The following LPA variants were observed in gnomAD, a reference collection of about 807,000 sequenced individuals.
LPA encodes lipoprotein(a), also known as apolipoprotein(a).
In LPA, 199 loss-of-function variants were observed where a neutral mutation model predicts 197.9. That is an observed-to-expected ratio of 1.01 (90% confidence interval 0.90 to 1.13). LPA has a LOEUF of 1.13. Among genes scored for constraint, LPA ranks in the 50% most tolerant of loss-of-function variants. The pLI, the probability that LPA is intolerant of heterozygous loss-of-function variation, is 0.00. For synonymous variants in LPA, 715 were observed against 639.5 expected, an observed-to-expected ratio of 1.12 and a Z score of -1.78; for missense variants, 1,853 against 1,785.8, an observed-to-expected ratio of 1.04 and a Z score of -0.68.
intron 1 of LPA, 63 bp from the exon 2 acceptor site, chr6:160,650,560 A>C: frequency 2.0e-6 from 3 of 1,513,842 alleles, no homozygotes; most frequent in Non-Finnish European, 2.8e-6. Flanking sequence ...ATGTGAAGTC[A>C]TTTATGACAC....
intron 23 of LPA, 143 bp downstream of exon 23, chr6:160,590,801 G>T: frequency 5.2e-6 from 6 of 1,158,964 alleles, no homozygotes; most frequent in Non-Finnish European, 7.5e-6. Context: ...CAGAGAAGGC[G>T]CTGAGGCTTC....
At chr6:160,615,419 T>A (rs1779580447) in intron 14 of LPA, among the ~76,000 whole-genome samples, 2 of 107,466 alleles carry the variant, frequency 1.9e-5, no homozygotes, top group Non-Finnish European at 3.7e-5. Context: ...AATTGTGTGT[T>A]GGGTAATGTT....
At chr6:160,576,684 GTGTGTGTA>G (rs1391182586) in intron 28 of LPA, among the ~76,000 whole-genome samples, 8 of 92,632 alleles carry the variant, frequency 8.6e-5, no homozygotes, top group South Asian at 4.6e-4. Context: ...GTGTGTGTGT[GTGTGTGTA>G]TATATATATA....
intron 28 of LPA, among the ~76,000 whole-genome samples, chr6:160,564,702 G>T (rs370420454): frequency 9.8e-4 from 149 of 152,316 alleles, no homozygotes; most frequent in African/African-American, 3.4e-3. Context: ...GCGGGATATT[G>T]CCTCACCCGG....
chr6:160,605,205 G>A lies in LPA; in HGVS notation c.2786C>T (p.Ala929Val), dbSNP rs752189291. The A allele has an allele frequency of 1.9e-6, 3 of 1,613,534 alleles. No homozygotes were observed. The highest frequency in any genetic ancestry group is 2.5e-6 in the Non-Finnish European group (3 of 1,179,828). The change falls in exon 18 of 39, where the codon GCA (alanine) becomes GTA (valine). Residue 929 changes from alanine to valine, a missense_variant and splice_region_variant. Coordinates refer to ENST00000316300, the MANE Select transcript of LPA (RefSeq NM_005577.4). ...IPSLEAPSEQ[A>V]PTEQRPGVQE... ...CACCCCAGGCCTTTGCTCAGTTGGT[G>A]CTGAAATGAAAAGAAAAGAAATCAA... is the stretch of plus-strand genomic sequence containing the variant.
At chr6:160,651,997 A>T (rs1780013961) in intron 1 of LPA, among the ~76,000 whole-genome samples, 1 of 144,200 alleles carries the variant, frequency 6.9e-6, no homozygotes, top group African/African-American at 2.6e-5. Flanking sequence ...CAACACAGAT[A>T]CAAAAAAAGA....
chr6:160,600,616 G>C (rs41270992), intron 19 of LPA, among the ~76,000 whole-genome samples: 3,044 of 152,252 alleles, frequency 0.02, 59 homozygotes, highest in Non-Finnish European at 0.029. Context: ...ACATCTGACA[G>C]CATATTACAA....
At chr6:160,576,682 G>GTA (rs1173432219) in intron 28 of LPA, among the ~76,000 whole-genome samples, 293 of 94,866 alleles carry the variant, frequency 3.1e-3, no homozygotes, top group African/African-American at 0.012. Context: ...GTGTGTGTGT[G>GTA]TGTGTGTGTA....
intron 26 of LPA, 110 bp from the exon 27 acceptor site, chr6:160,578,814 T>C: frequency 6.8e-7 from 1 of 1,481,064 alleles, no homozygotes; most frequent in Non-Finnish European, 9.3e-7. Flanking sequence ...CTTTGAAATA[T>C]TCCCATTATA....
Position 160,592,634 on chromosome 6 carries a change from T to C in LPA, c.3629+1324A>G, listed in dbSNP as rs558744850. Among the ~76,000 whole-genome samples the C allele has an allele frequency of 8.5e-5, 13 of 152,366 alleles. No homozygotes were observed. The South Asian group carries it at 2.7e-3, about 32-fold the overall frequency. ...CAAGTTGCACTCTGGGGATGTCATATAACTGAGAAACTTGTATTCGTTCCT... is the reference window on the plus strand; with the variant it reads ...CAAGTTGCACTCTGGGGATGTCATACAACTGAGAAACTTGTATTCGTTCCT... On this transcript the variant is annotated intron_variant, in intron 22 of 38. Transcript: ENST00000316300.
In LPA at chr6:160,548,622, C is replaced by A. The variant is rs774456131; in HGVS notation, c.5011G>T (p.Asp1671Tyr). The change falls in exon 31 of 39, where the codon GAT (aspartate) becomes TAT (tyrosine). Residue 1671 changes from aspartate (D) to tyrosine (Y), a missense_variant. Transcript: ENST00000316300. ...TMNYCRNPDA[D>Y]TGPWCFTMDP... ...ATGGTAAAACACCAAGGGCCTGTAT[C>A]GGCATCTGGATTCCTGCAGTAGTTC... The A allele has an allele frequency of 2.5e-6, 4 of 1,613,962 alleles. No homozygotes were observed. In the East Asian group the frequency reaches 8.9e-5, roughly 36 times the overall value.
intron 22 of LPA, among the ~76,000 whole-genome samples, chr6:160,591,355 T>A (rs1241548365): frequency 6.6e-6 from 1 of 152,200 alleles, no homozygotes; most frequent in South Asian, 2.1e-4. Context: ...AACATCAATG[T>A]GTACAAGAAA....
chr6:160,607,797 C>CTTA (rs1779391069), intron 16 of LPA, among the ~76,000 whole-genome samples: 1 of 152,126 alleles, frequency 6.6e-6, no homozygotes, highest in South Asian at 2.1e-4. Context: ...AGCCCAAACT[C>CTTA]GTGACAAATT....
At position 160,583,519 on chromosome 6, in the gene LPA, C is replaced by T. The variant is rs1270816233; in HGVS notation, c.4289+1527G>A. ...GTGTCTCTCCTCAGGCTGGTCAGAGCTCAAATACCTCCCAGTGCTATGTGA... is the reference window on the plus strand; with the variant it reads ...GTGTCTCTCCTCAGGCTGGTCAGAGTTCAAATACCTCCCAGTGCTATGTGA... On this transcript the variant is annotated intron_variant, in intron 26 of 38. Transcript: ENST00000316300. Among the ~76,000 whole-genome samples the T allele has an allele frequency of 2.0e-5, 3 of 152,108 alleles. No individual in the cohort carries two copies. In the East Asian group the frequency reaches 5.8e-4, roughly 29 times the overall value.
chr6:160,604,353 G>A (rs1219131364), intron 18 of LPA, among the ~76,000 whole-genome samples: 1 of 152,122 alleles, frequency 6.6e-6, no homozygotes. Context: ...GTCCACTACT[G>A]TCTGTTGTCC....
intron 18 of LPA, among the ~76,000 whole-genome samples, chr6:160,601,523 A>G (rs574727426): frequency 6.6e-6 from 1 of 152,276 alleles, no homozygotes; most frequent in Admixed American, 6.5e-5. Flanking sequence ...AGGACTTCAT[A>G]TAGTAATGTG....
intron 38 of LPA, 89 bp downstream of exon 38, chr6:160,532,442 T>C: frequency 9.8e-7 from 1 of 1,023,764 alleles, no homozygotes; most frequent in South Asian, 1.3e-5. Context: ...GACAAAACCT[T>C]CCTGAATTTG....
chr6:160,651,352 A>T lies in LPA; in HGVS notation c.50-855T>A, dbSNP rs147177170. Among the ~76,000 whole-genome samples, 15 of 152,310 alleles carry T rather than the reference A, an allele frequency of 9.8e-5. No homozygotes were observed. The East Asian group carries it at 2.9e-3, about 29-fold the overall frequency. ...AGGCATGCAGTGACTGCTAAAATCTAATAATAGATAGGAACACTGAGAAAA... is the reference window on the plus strand; with the variant it reads ...AGGCATGCAGTGACTGCTAAAATCTTATAATAGATAGGAACACTGAGAAAA... On this transcript the variant is annotated intron_variant, in intron 1 of 38. Coordinates refer to ENST00000316300, the MANE Select transcript of LPA (RefSeq NM_005577.4).
At chr6:160,553,937 C>CTGTGTGTG (rs59853609) in intron 30 of LPA, among the ~76,000 whole-genome samples, 30 of 139,138 alleles carry the variant, frequency 2.2e-4, no homozygotes, top group African/African-American at 3.8e-4. Context: ...CTCTCTCTCT[C>CTGTGTGTG]TGTGTGTGTG....
Sources: gnomAD v4.1 joint callset for allele counts (sites outside exome capture counted in the v4.1 genomes callset) on GRCh38, gnomAD v4.1.1 for gene constraint, MANE v1.5 for transcripts, NCBI Gene and HGNC (gene_info 2026-07-23, HGNC 2026-07-21) for gene names.